CRISP3: variants seen among roughly 807,000 people sequenced by gnomAD.
CRISP3 encodes the protein cysteine rich secretory protein 3.
In CRISP3, 33 loss-of-function variants were observed where a neutral mutation model predicts 36.1. The observed-to-expected ratio is 0.91, with a 90% CI of 0.69 to 1.22. The LOEUF (loss-of-function observed/expected upper bound fraction) is 1.22, where lower values mean the gene tolerates loss of function less well. CRISP3 is among the 50% of genes most tolerant of loss of function. CRISP3 has a pLI of 0.00. For synonymous variants in CRISP3, 117 were observed against 104.6 expected (o/e 1.12, Z -0.72); for missense variants, 330 against 301.2 (o/e 1.10, Z -0.71).
At chr6:49,733,409 T>C (rs1015351856) in intron 5 of CRISP3, 117 bp from the exon 6 acceptor site, 2 of 721,228 alleles carry the variant, frequency 2.8e-6, no homozygotes, top group East Asian at 2.6e-5. Context: ...TGTTTTCATA[T>C]ACCTTATGGC....
At chr6:49,737,824 C>G (rs1395178157) in intron 1 of CRISP3, among the ~76,000 whole-genome samples, 2 of 152,194 alleles carry the variant, frequency 1.3e-5, no homozygotes, top group Non-Finnish European at 2.9e-5. Context: ...GCTGTCTACA[C>G]TTTTATAAAT....
intron 1 of CRISP3, among the ~76,000 whole-genome samples, chr6:49,741,158 A>T (rs1367636786): frequency 3.3e-5 from 5 of 151,194 alleles, no homozygotes; most frequent in Admixed American, 6.6e-5. Context: ...CACCAAAAAA[A>T]AAAAAACAAA....
intron 6 of CRISP3, among the ~76,000 whole-genome samples, chr6:49,731,710 C>T (rs62413612): frequency 6.6e-6 from 1 of 150,746 alleles, no homozygotes; most frequent in African/African-American, 2.4e-5. Context: ...AAAAAAAAAC[C>T]ATAATTTCTA....
chr6:49,734,805 T>C (rs182090036), intron 4 of CRISP3, among the ~76,000 whole-genome samples: 1 of 152,162 alleles, frequency 6.6e-6, no homozygotes, highest in African/African-American at 2.4e-5. Context: ...TATGTTATTT[T>C]TGATAATTTA....
chr6:49,731,159 T>G lies in CRISP3; in HGVS notation c.649+4A>C, dbSNP rs1768906319. Reference sequence around the variant, plus strand: ...TATTATCAAGTTAATCACTTCAAACTTACTGCATAGTCCATCGTCACAGTT... The same window carrying G: ...TATTATCAAGTTAATCACTTCAAACGTACTGCATAGTCCATCGTCACAGTT... On this transcript the variant is annotated splice_donor_region_variant and intron_variant, in intron 7 of 7. Coordinates refer to ENST00000263045, the MANE Select transcript of CRISP3 (RefSeq NM_006061.4). 3.2e-6 allele frequency: 5 copies of G among 1,583,522 alleles called. No homozygotes were observed. Among genetic ancestry groups the G allele is most frequent in the Non-Finnish European group, 3.5e-6 (4 of 1,158,808 alleles).
chr6:49,742,101 TA>T (rs200510617), intron 1 of CRISP3, among the ~76,000 whole-genome samples: 1 of 151,688 alleles, frequency 6.6e-6, no homozygotes, highest in Admixed American at 6.6e-5. Context: ...TTATAACAGT[TA>T]AAAAAACTAT....
chr6:49,733,751 A>T lies in CRISP3; in HGVS notation c.414T>A (p.Phe138Leu). 2 of 1,613,762 alleles carry T rather than the reference A, an allele frequency of 1.2e-6. No individual in the cohort carries two copies. The highest frequency in any genetic ancestry group is 8.5e-7 in the Non-Finnish European group (1 of 1,179,720). Reference sequence around the variant, plus strand: ...CGTTGGGAGTCTTTGGCCCTACACCAAAGTCAAAATCATTGTACTCATCAA... The same window carrying T: ...CGTTGGGAGTCTTTGGCCCTACACCTAAGTCAAAATCATTGTACTCATCAA... ...SWFDEYNDFD[F>L]GVGPKTPNAV... Residue 138 changes from phenylalanine to leucine, a missense_variant, in exon 5 of 8, where the codon TTT becomes TTA. Coordinates refer to ENST00000263045, the MANE Select transcript of CRISP3 (RefSeq NM_006061.4).
At chr6:49,738,584 G>C (rs1769119300) in intron 1 of CRISP3, among the ~76,000 whole-genome samples, 1 of 152,052 alleles carries the variant, frequency 6.6e-6, no homozygotes, top group Non-Finnish European at 1.5e-5. Flanking sequence ...CTGGGGGCTG[G>C]GACTGGGTCT....
chr6:49,731,021 G>A (rs142403688), intron 7 of CRISP3, 142 bp downstream of exon 7: 5 of 543,960 alleles, frequency 9.2e-6, no homozygotes, highest in Admixed American at 3.9e-5. Flanking sequence ...CAGCCTGGGC[G>A]ACAGAGCCAG....
intron 3 of CRISP3, among the ~76,000 whole-genome samples, chr6:49,735,821 G>T (rs542677438): frequency 1.3e-5 from 2 of 152,166 alleles, no homozygotes; most frequent in South Asian, 4.2e-4. Flanking sequence ...TAGGTTTATG[G>T]TCCAATTATT....
chr6:49,733,637 A>G (rs1027781354), intron 5 of CRISP3, 66 bp downstream of exon 5: 30 of 1,503,218 alleles, frequency 2.0e-5, no homozygotes, highest in Middle Eastern at 3.6e-4. Context: ...AATCAGTCAA[A>G]ATTTGAAGAA....
In CRISP3 at chr6:49,728,814, A is replaced by T; in HGVS notation, c.693T>A (p.Ser231Arg). 1.9e-6 allele frequency: 3 copies of T among 1,612,818 alleles called. No homozygotes were observed. The highest frequency in any genetic ancestry group is 2.5e-6 in the Non-Finnish European group (3 of 1,179,300). Reference sequence around the variant, plus strand: ...GTTTACAGGTTAATGTGAGCTTCAAACTTTTACAGTTACTATAGAGATCTT... The same window carrying T: ...GTTTACAGGTTAATGTGAGCTTCAATCTTTTACAGTTACTATAGAGATCTT... The part of the protein sequence containing the change: ...KYEDLYSNCK[S>R]LKLTLTCKHQ... Residue 231 changes from serine (S) to arginine (R), a missense_variant, in exon 8 of 8, where the codon AGT (serine) becomes AGA (arginine). Coordinates refer to ENST00000263045, the MANE Select transcript of CRISP3 (RefSeq NM_006061.4).
At chr6:49,730,262 C>T (rs1021383958) in intron 7 of CRISP3, among the ~76,000 whole-genome samples, 7 of 151,934 alleles carry the variant, frequency 4.6e-5, no homozygotes, top group African/African-American at 1.7e-4. Flanking sequence ...TTTATTTACT[C>T]CTTTTTGCTA....
chr6:49,737,214 T>A, intron 2 of CRISP3, 111 bp downstream of exon 2: 1 of 790,214 alleles, frequency 1.3e-6, no homozygotes, highest in Non-Finnish European at 2.1e-6. Flanking sequence ...AATGAGTACT[T>A]TATGATGTAC....
At chr6:49,733,167 G>T in intron 6 of CRISP3, 28 bp downstream of exon 6, 2 of 1,268,226 alleles carry the variant, frequency 1.6e-6, no homozygotes, top group Non-Finnish European at 2.2e-6. Flanking sequence ...TAGCATTATT[G>T]ACAATAAACG....
At chr6:49,740,590 T>C (rs1467055611) in intron 1 of CRISP3, among the ~76,000 whole-genome samples, 1 of 151,524 alleles carries the variant, frequency 6.6e-6, no homozygotes, top group African/African-American at 2.4e-5. Context: ...TGTGTGTGTG[T>C]GTGTGTGTGT....
At chr6:49,735,231 A>G (rs1769012007) in intron 4 of CRISP3, among the ~76,000 whole-genome samples, 1 of 152,102 alleles carries the variant, frequency 6.6e-6, no homozygotes, top group African/African-American at 2.4e-5. Context: ...AATCTCTGTA[A>G]TTGGGAAAGA....
At chr6:49,738,515 C>T (rs1769117015) in intron 1 of CRISP3, among the ~76,000 whole-genome samples, 1 of 152,142 alleles carries the variant, frequency 6.6e-6, no homozygotes, top group East Asian at 1.9e-4. Context: ...GAAGTAGTGA[C>T]TCATCCTACA....
In CRISP3 at chr6:49,728,027, T is replaced by C. The variant is rs933987890; in HGVS notation, c.*703A>G. 2.0e-5 allele frequency: 3 copies of C among 152,120 alleles called. No homozygotes were observed. Among genetic ancestry groups the C allele is most frequent in the Non-Finnish European group, 4.4e-5 (3 of 67,972 alleles). 9.4% of individuals were successfully genotyped at this position (152,120 alleles called of 1,614,324 possible). ...GAGTTCTACCTCCTTGAGTGGAGGG[T>C]ATTTACCTATATTATCTTGTATTCT... On this transcript the variant is annotated 3_prime_UTR_variant, in exon 8 of 8. Coordinates refer to ENST00000263045, the MANE Select transcript of CRISP3 (RefSeq NM_006061.4).
Sources: allele counts gnomAD v4.1 joint callset (sites outside exome capture counted in the v4.1 genomes callset), GRCh38; gene constraint gnomAD v4.1.1; transcripts MANE v1.5; gene names NCBI Gene and HGNC (gene_info 2026-07-23, HGNC 2026-07-21).